MYOM1: variants seen among roughly 807,000 people sequenced by gnomAD.
The protein encoded by MYOM1 is myomesin-1.
A neutral mutation model predicts 205.3 loss-of-function variants in MYOM1; 164 were observed. That is an observed-to-expected ratio of 0.80 (90% CI 0.70 to 0.91). The LOEUF is 0.91. Ranked by LOEUF, MYOM1 falls within the 40% of genes least tolerant of loss-of-function variation. The pLI, the probability that MYOM1 is intolerant of heterozygous loss-of-function variation, is 0.00. For missense variants in MYOM1, 2,011 were observed against 2,127.3 expected (o/e 0.95, Z 1.08); for synonymous variants, 772 against 789.4 (o/e 0.98, Z 0.37).
At chr18:3,111,778 T>C (rs1321381574) in intron 22 of MYOM1, among the ~76,000 whole-genome samples, 1 of 152,196 alleles carries the variant, frequency 6.6e-6, no homozygotes, top group African/African-American at 2.4e-5. Context: ...ATGGCAGAGT[T>C]AAGAAGTTGT....
At chr18:3,239,756 CAAAAAAAAAA>C in the MYOM1 span, among the ~76,000 whole-genome samples, 7 of 42,180 alleles carry the variant, frequency 1.7e-4, no homozygotes, top group Non-Finnish European at 2.7e-4. Flanking sequence ...CACCTTGTCT[CAAAAAAAAAA>C]AAAAAAAAAA....
At chr18:3,245,355 T>C in the MYOM1 span, among the ~76,000 whole-genome samples, 9 of 152,110 alleles carry the variant, frequency 5.9e-5, no homozygotes, top group Admixed American at 1.3e-4. Flanking sequence ...GCCTGGGCAA[T>C]AGAGCAAGAC....
intron 16 of MYOM1, among the ~76,000 whole-genome samples, chr18:3,132,163 A>G (rs2079888195): frequency 1.3e-5 from 2 of 148,482 alleles, no homozygotes; most frequent in Admixed American, 1.4e-4. Flanking sequence ...ATATATATAT[A>G]TATTTTGAGA....
chr18:3,136,144 A>G (rs978853085), intron 14 of MYOM1, among the ~76,000 whole-genome samples: 7 of 151,998 alleles, frequency 4.6e-5, no homozygotes, highest in Non-Finnish European at 8.8e-5. Context: ...GCCACCGTGT[A>G]AGACGTGCCT....
At chr18:3,138,247 C>T (rs545367334) in intron 14 of MYOM1, among the ~76,000 whole-genome samples, 5 of 152,244 alleles carry the variant, frequency 3.3e-5, no homozygotes, top group South Asian at 2.1e-4. Flanking sequence ...AATTTTGTAA[C>T]GTTTTCAAAA....
intron 2 of MYOM1, among the ~76,000 whole-genome samples, chr18:3,195,134 TG>T (rs2080976824): frequency 6.6e-6 from 1 of 152,074 alleles, no homozygotes; most frequent in Admixed American, 6.5e-5. Context: ...AGCACATACA[TG>T]GTACAAAATG....
At chr18:3,084,369 G>A (rs1026294002) in intron 31 of MYOM1, among the ~76,000 whole-genome samples, 6 of 151,752 alleles carry the variant, frequency 4.0e-5, no homozygotes, top group African/African-American at 1.5e-4. Context: ...TTACATTAGA[G>A]GACATTTTCT....
intron 2 of MYOM1, among the ~76,000 whole-genome samples, chr18:3,194,472 A>G (rs2080966048): frequency 6.6e-6 from 1 of 152,220 alleles, no homozygotes; most frequent in African/African-American, 2.4e-5. Context: ...GATAGAGTTA[A>G]CATATTTTAT....
intron 14 of MYOM1, among the ~76,000 whole-genome samples, chr18:3,139,931 G>A (rs1174303102): frequency 2.0e-5 from 3 of 152,126 alleles, no homozygotes; most frequent in East Asian, 1.9e-4. Flanking sequence ...TGCAGAAAAC[G>A]CCTCCAAATA....
At chr18:3,229,260 G>C in the MYOM1 span, among the ~76,000 whole-genome samples, 1 of 152,072 alleles carries the variant, frequency 6.6e-6, no homozygotes, top group African/African-American at 2.4e-5. Context: ...ATCACCTGAG[G>C]AGCTTTGAAA....
chr18:3,158,493 A>C (rs929480439), intron 10 of MYOM1, among the ~76,000 whole-genome samples: 1 of 152,232 alleles, frequency 6.6e-6, no homozygotes, highest in African/African-American at 2.4e-5. Flanking sequence ...AAAGTTGAAC[A>C]AATTTATACT....
intron 9 of MYOM1, 147 bp downstream of exon 9, chr18:3,168,670 A>T: frequency 1.5e-6 from 1 of 670,046 alleles, no homozygotes; most frequent in Non-Finnish European, 2.4e-6. Flanking sequence ...AAGTGTTGCT[A>T]CTTTGCTACA....
chr18:3,148,413 A>C (rs1237080679), intron 13 of MYOM1, among the ~76,000 whole-genome samples: 1 of 152,248 alleles, frequency 6.6e-6, no homozygotes, highest in Non-Finnish European at 1.5e-5. Context: ...ACATGATTCA[A>C]CTGATCTACA....
intron 6 of MYOM1, 126 bp downstream of exon 6, chr18:3,175,916 A>G (rs2080632344): frequency 9.4e-6 from 6 of 636,912 alleles, no homozygotes; most frequent in Non-Finnish European, 1.4e-5. Flanking sequence ...GAAGCACCGT[A>G]TACGAATGTC....
At chr18:3,210,218 G>T (rs1333216996) in intron 2 of MYOM1, among the ~76,000 whole-genome samples, 1 of 152,230 alleles carries the variant, frequency 6.6e-6, no homozygotes, top group African/African-American at 2.4e-5. Context: ...GGTAGGAGAT[G>T]GAACAAGCTT....
chr18:3,129,746 A>AG (rs2079848737), intron 17 of MYOM1, among the ~76,000 whole-genome samples: 1 of 152,250 alleles, frequency 6.6e-6, no homozygotes, highest in African/African-American at 2.4e-5. Flanking sequence ...AGAAGAAATG[A>AG]GAACAAAGAA....
intron 5 of MYOM1, among the ~76,000 whole-genome samples, chr18:3,184,399 C>T (rs1180623384): frequency 6.6e-6 from 1 of 152,148 alleles, no homozygotes; most frequent in Admixed American, 6.6e-5. Context: ...GAGTGCCCTC[C>T]AAGTTGTATC....
At chr18:3,224,978 ATTATT>A in the MYOM1 span, among the ~76,000 whole-genome samples, 6 of 127,418 alleles carry the variant, frequency 4.7e-5, no homozygotes, top group East Asian at 2.4e-4. Flanking sequence ...TATTAGTATT[ATTATT>A]TTATTTTATT....
chr18:3,129,203 T>C, intron 18 of MYOM1, 29 bp downstream of exon 18: 1 of 1,602,576 alleles, frequency 6.2e-7, no homozygotes, highest in Non-Finnish European at 8.5e-7. Flanking sequence ...TGGAGACGGA[T>C]GGAACAGCTT....
Sources: gnomAD v4.1 joint callset for allele counts (sites outside exome capture counted in the v4.1 genomes callset) on GRCh38, gnomAD v4.1.1 for gene constraint, MANE v1.5 for transcripts, NCBI Gene and HGNC (gene_info 2026-07-23, HGNC 2026-07-21) for gene names.